The following DNAI4 variants were observed in gnomAD, a reference collection of about 807,000 sequenced individuals.
DNAI4 encodes WD repeat domain 78.
A neutral mutation model predicts 105.8 loss-of-function variants in DNAI4; 85 were observed. That is an observed-to-expected ratio of 0.80 (90% confidence interval 0.67 to 0.96). The LOEUF is 0.96. Among genes scored for constraint, DNAI4 ranks in the 40% least tolerant of loss-of-function variants. DNAI4 has a pLI of 0.00. For missense variants in DNAI4, 1,014 were observed against 1,005.6 expected, an observed-to-expected ratio of 1.01 and a Z score of -0.11; for synonymous variants, 352 against 331.5, an observed-to-expected ratio of 1.06 and a Z score of -0.67.
At position 66,906,043 on chromosome 1, in the gene DNAI4, C is replaced by A. The variant is rs560789555; in HGVS notation, c.171-668G>T. On this transcript the variant is annotated intron_variant, in intron 1 of 16. Coordinates refer to ENST00000371026, the MANE Select transcript of DNAI4 (RefSeq NM_024763.5). ...GGTTCAAGCGATTCTTCTGCCTCAG[C>A]CTCCCAAGTAGCTGGGACTACAGGT... 8.6e-5 allele frequency among the ~76,000 whole-genome samples: 13 copies of A among 150,696 alleles called. No homozygotes were observed. The East Asian group carries it at 2.6e-3, about 30-fold the overall frequency.
chr1:66,833,745 C>A, intron 12 of DNAI4, 39 bp from the exon 13 acceptor site: 1 of 1,598,020 alleles, frequency 6.3e-7, no homozygotes. Context: ...TGTTATTTAC[C>A]ACATGAAAGA....
intron 4 of DNAI4, among the ~76,000 whole-genome samples, chr1:66,880,191 G>A (rs1314180897): frequency 6.6e-6 from 1 of 152,178 alleles, no homozygotes; most frequent in African/African-American, 2.4e-5. Context: ...TTTCTTCCAA[G>A]TCTCAGGTAT....
intron 1 of DNAI4, 140 bp downstream of exon 1, chr1:66,924,521 TG>T: frequency 1.8e-6 from 2 of 1,132,800 alleles, no homozygotes; most frequent in Non-Finnish European, 2.5e-6. Context: ...GGAGACATTG[TG>T]GCCTAGGAGC....
In DNAI4 at chr1:66,893,422, A is replaced by T. The variant is rs1350987172; in HGVS notation, c.346-9T>A. On this transcript the variant is annotated splice_polypyrimidine_tract_variant and intron_variant, in intron 2 of 16. Coordinates refer to ENST00000371026, the MANE Select transcript of DNAI4 (RefSeq NM_024763.5). ...CCATTTATGTCAAATACCTGTTAAA[A>T]ATGGTTATTTAAAATGAAATAACTA... 1 of 1,478,528 alleles carries T rather than the reference A, an allele frequency of 6.8e-7. No homozygotes were observed. The highest frequency in any genetic ancestry group is 9.0e-7 in the Non-Finnish European group (1 of 1,110,834). 91.6% of individuals were successfully genotyped at this position (1,478,528 alleles called of 1,614,324 possible).
intron 15 of DNAI4, among the ~76,000 whole-genome samples, chr1:66,825,488 T>C (rs1406460268): frequency 6.6e-6 from 1 of 152,234 alleles, no homozygotes; most frequent in Non-Finnish European, 1.5e-5. Flanking sequence ...GCCTAATAAC[T>C]GTCTTTTAAC....
Position 66,826,968 on chromosome 1 carries a change from T to A in DNAI4, c.2191A>T (p.Ile731Leu). Residue 731 changes from isoleucine to leucine, a missense_variant, in exon 15 of 17, where the codon ATA (isoleucine) becomes TTA (leucine). Transcript: ENST00000371026. ...LSCSADWGVIIWQQENVKPSL... is the reference protein window; with the variant it reads ...LSCSADWGVILWQQENVKPSL... ...GGCTTGACATTCTCCTGTTGCCATA[T>A]AATAACACCCCAATCTGCAGAACAG... The A allele has an allele frequency of 6.2e-7, 1 of 1,614,112 alleles. No individual in the cohort carries two copies. The highest frequency in any genetic ancestry group is 1.1e-5 in the South Asian group (1 of 91,082).
At chr1:66,819,686 T>C (rs1469315421) in intron 16 of DNAI4, among the ~76,000 whole-genome samples, 1 of 152,070 alleles carries the variant, frequency 6.6e-6, no homozygotes, top group Non-Finnish European at 1.5e-5. Flanking sequence ...ATATATAATA[T>C]ACACACACAA....
chr1:66,900,205 G>T (rs141303534), intron 2 of DNAI4, among the ~76,000 whole-genome samples: 5 of 152,178 alleles, frequency 3.3e-5, no homozygotes, highest in African/African-American at 1.2e-4. Context: ...AAGTTCAAGC[G>T]ATTCTTCTGC....
chr1:66,892,396 A>G (rs960133443), intron 3 of DNAI4, among the ~76,000 whole-genome samples: 5 of 152,238 alleles, frequency 3.3e-5, no homozygotes, highest in African/African-American at 1.2e-4. Context: ...TGTAAAATGC[A>G]GCTCAAAAGA....
intron 6 of DNAI4, among the ~76,000 whole-genome samples, chr1:66,869,471 TA>T (rs1247984578): frequency 6.6e-6 from 1 of 152,168 alleles, no homozygotes; most frequent in Non-Finnish European, 1.5e-5. Flanking sequence ...ATTGGAAACC[TA>T]AAGTTACATA....
At chr1:66,893,467 A>AT in intron 2 of DNAI4, 54 bp from the exon 3 acceptor site, 1 of 1,240,834 alleles carries the variant, frequency 8.1e-7, no homozygotes, top group Non-Finnish European at 1.1e-6. Context: ...GGGCTTCTAA[A>AT]TAACAGCTGC....
At chr1:66,882,680 T>A (rs1359638410) in intron 4 of DNAI4, among the ~76,000 whole-genome samples, 1 of 152,156 alleles carries the variant, frequency 6.6e-6, no homozygotes. Context: ...TATTTATCAG[T>A]GTACTTGATT....
chr1:66,872,922 A>G (rs1382701879), intron 5 of DNAI4, among the ~76,000 whole-genome samples: 2 of 152,032 alleles, frequency 1.3e-5, no homozygotes, highest in African/African-American at 4.8e-5. Flanking sequence ...CATGTTGGCC[A>G]GGCTGGTCTC....
intron 2 of DNAI4, among the ~76,000 whole-genome samples, chr1:66,896,074 A>G (rs549057979): frequency 6.6e-6 from 1 of 152,156 alleles, no homozygotes; most frequent in Admixed American, 6.5e-5. Context: ...TCATAAAATG[A>G]GTTTTGGAGT....
chr1:66,901,792 CCTTTT>C (rs1648843248), intron 2 of DNAI4, among the ~76,000 whole-genome samples: 1 of 152,124 alleles, frequency 6.6e-6, no homozygotes, highest in Admixed American at 6.6e-5. Context: ...GTTTTTCTTT[CCTTTT>C]TTCTTTTGAG....
At chr1:66,892,095 G>A (rs1004406540) in intron 3 of DNAI4, among the ~76,000 whole-genome samples, 7 of 152,264 alleles carry the variant, frequency 4.6e-5, no homozygotes, top group African/African-American at 1.7e-4. Flanking sequence ...TAAATCAATG[G>A]AAGAATCCAA....
rs142954122 is a variant in DNAI4, at chr1:66,895,907, T to G, written c.346-2494A>C. Among the ~76,000 whole-genome samples the G allele has an allele frequency of 3.1e-3, 468 of 151,778 alleles. 5 individuals are homozygous for G. The highest frequency in any genetic ancestry group is 0.011 in the African/African-American group (443 of 41,062). On this transcript the variant is annotated intron_variant, in intron 2 of 16. Transcript: ENST00000371026. ...TGGCACAGACCAAGCTTCCTTATGA[T>G]GTATGTATTAAGCATTTGTTGTTGT...
rs767450016 is a variant in DNAI4, at chr1:66,840,558, G to C, written c.1405C>G (p.Pro469Ala). 8 of 1,614,162 alleles carry C rather than the reference G, an allele frequency of 5.0e-6. No individual in the cohort carries two copies. The highest frequency in any genetic ancestry group is 2.2e-5 in the South Asian group (2 of 91,080). ...EEIHAEESTI[P>A]ANLERLWSFS... ...GACCAAAGTCGTTCCAAGTTGGCGG[G>C]TATTGTTGATTCTTCTGCATGTATT... Residue 469 changes from proline (P) to alanine (A), a missense_variant, in exon 9 of 17, where the codon CCC (proline) becomes GCC (alanine). Pro to Ala is a conservative substitution (Grantham distance 27). Transcript: ENST00000371026.
chr1:66,920,597 C>T (rs1650405361), intron 1 of DNAI4, among the ~76,000 whole-genome samples: 1 of 152,176 alleles, frequency 6.6e-6, no homozygotes, highest in South Asian at 2.1e-4. Context: ...AGCACTCACC[C>T]TGGCTCCTGC....
Sources: gnomAD v4.1 joint callset for allele counts (sites outside exome capture counted in the v4.1 genomes callset) on GRCh38, gnomAD v4.1.1 for gene constraint, MANE v1.5 for transcripts, NCBI Gene and HGNC (gene_info 2026-07-23, HGNC 2026-07-21) for gene names.